KREMEN1: variants seen among roughly 807,000 people sequenced by gnomAD.
The protein encoded by KREMEN1 is kringle containing transmembrane protein 1.
Under a neutral mutation model 46.5 loss-of-function variants are expected in KREMEN1, and 30 were observed. The observed-to-expected ratio is 0.65, with a 90% confidence interval of 0.48 to 0.88. The LOEUF (loss-of-function observed/expected upper bound fraction) is 0.88. Ranked by LOEUF, KREMEN1 falls within the 40% of genes least tolerant of loss-of-function variation. KREMEN1 has a pLI of 0.00. For missense variants in KREMEN1, 533 were observed against 596.9 expected (o/e 0.89, Z 1.11); for synonymous variants, 214 against 230.6 (o/e 0.93, Z 0.65).
chr22:29,147,322 T>C (rs1277443790), downstream of KREMEN1, among the ~76,000 whole-genome samples: 1 of 152,226 alleles, frequency 6.6e-6, no homozygotes, highest in African/African-American at 2.4e-5. Flanking sequence ...GCCCCACACT[T>C]TCCTTCTTAG....
downstream of KREMEN1, among the ~76,000 whole-genome samples, chr22:29,151,544 G>A (rs980920507): frequency 1.3e-5 from 2 of 152,120 alleles, no homozygotes; most frequent in Non-Finnish European, 2.9e-5. Flanking sequence ...TCGGGGGATG[G>A]GGGCCACCAA....
At chr22:29,104,655 C>G (rs1052250268) in intron 3 of KREMEN1, among the ~76,000 whole-genome samples, 16 of 152,130 alleles carry the variant, frequency 1.1e-4, no homozygotes, top group African/African-American at 3.9e-4. Flanking sequence ...GCCTGTAATC[C>G]CAGCACTTTG....
At chr22:29,136,954 C>T (rs1462684898) in intron 5 of KREMEN1, among the ~76,000 whole-genome samples, 1 of 152,154 alleles carries the variant, frequency 6.6e-6, no homozygotes, top group Non-Finnish European at 1.5e-5. Context: ...TCTCATGTGC[C>T]ATCACACATT....
chr22:29,120,626 A>G (rs11090556), intron 3 of KREMEN1, among the ~76,000 whole-genome samples: 1 of 135,734 alleles, frequency 7.4e-6, no homozygotes, highest in African/African-American at 2.7e-5. Flanking sequence ...AAACGGAGGA[A>G]GGAGAGGTGC....
chr22:29,116,565 T>C (rs1411613387), intron 3 of KREMEN1, among the ~76,000 whole-genome samples: 1 of 152,208 alleles, frequency 6.6e-6, no homozygotes, highest in Non-Finnish European at 1.5e-5. Context: ...AGGTTCCAGC[T>C]GTGTTAATGC....
rs1309093378 is a variant in KREMEN1 at position 29,094,389 on chromosome 22, G to C, written c.229G>C (p.Glu77Gln). 1.2e-6 allele frequency: 2 copies of C among 1,613,884 alleles called. No homozygotes were observed. Among genetic ancestry groups the C allele is most frequent in the Non-Finnish European group, 1.7e-6 (2 of 1,179,952 alleles). ...CAACACTCTGAAATACCCCAACGGG[G>C]AGGGGGGCCTGGGTGAGCACAACTA... ...PYNTLKYPNG[E>Q]GGLGEHNYCR... Residue 77 changes from glutamate to glutamine, a missense_variant, in exon 2 of 9, where the codon GAG (glutamate) becomes CAG (glutamine). By Grantham distance (29) the Glu-to-Gln change is conservative. Coordinates refer to ENST00000400335, the MANE Select transcript of KREMEN1 (RefSeq NM_001039570.3).
rs16987153 is a variant in KREMEN1, at chr22:29,144,142, G to T, written c.*2030G>T. 14 of 985,570 alleles carry T rather than the reference G, an allele frequency of 1.4e-5. No homozygotes were observed. In the South Asian group the frequency reaches 6.1e-4, roughly 43 times the overall value. 61.1% of individuals were successfully genotyped at this position (985,570 alleles called of 1,614,324 possible). On this transcript the variant is annotated 3_prime_UTR_variant, in exon 9 of 9. Transcript: ENST00000400335. ...ACAAGGCACTTGGGCCTGGGTGATT[G>T]TTGCGCCTCTGGCTTTGGCGTTTCC... is the stretch of plus-strand genomic sequence containing the variant.
chr22:29,133,220 C>G (rs1202878333), intron 5 of KREMEN1, among the ~76,000 whole-genome samples: 2 of 147,838 alleles, frequency 1.4e-5, no homozygotes, highest in Non-Finnish European at 3.0e-5. Context: ...TGCACTCCAG[C>G]CTGGGCAACA....
intron 9 of KREMEN1, among the ~76,000 whole-genome samples, chr22:29,156,027 A>G (rs1483416395): frequency 6.6e-6 from 1 of 152,276 alleles, no homozygotes; most frequent in Admixed American, 6.5e-5. Flanking sequence ...TCACTGTCAC[A>G]CTGCTCAGTG....
intron 5 of KREMEN1, chr22:29,134,134 T>G (rs951658786): frequency 5.9e-5 from 9 of 151,422 alleles, no homozygotes; most frequent in African/African-American, 2.2e-4. Flanking sequence ...AAAATTCATC[T>G]CCAATATTGT....
At chr22:29,082,651 G>T (rs1277977997) in intron 1 of KREMEN1, among the ~76,000 whole-genome samples, 1 of 152,162 alleles carries the variant, frequency 6.6e-6, no homozygotes, top group Non-Finnish European at 1.5e-5. Flanking sequence ...GAATACAAAG[G>T]TGAGTAAGAT....
intron 5 of KREMEN1, among the ~76,000 whole-genome samples, chr22:29,129,196 G>A (rs2038493662): frequency 6.6e-6 from 1 of 152,130 alleles, no homozygotes; most frequent in Non-Finnish European, 1.5e-5. Flanking sequence ...CTCTAAAGGT[G>A]CATCTAGAGG....
chr22:29,129,324 G>C (rs1341192228), intron 5 of KREMEN1, among the ~76,000 whole-genome samples: 1 of 151,942 alleles, frequency 6.6e-6, no homozygotes, highest in Non-Finnish European at 1.5e-5. Flanking sequence ...TCCAGCCTGG[G>C]CGACAGAGTG....
intron 5 of KREMEN1, among the ~76,000 whole-genome samples, chr22:29,136,340 G>A (rs979070375): frequency 2.0e-5 from 3 of 151,712 alleles, no homozygotes; most frequent in African/African-American, 7.3e-5. Context: ...TTGGGAGGCC[G>A]GGACGGGTGG....
downstream of KREMEN1, among the ~76,000 whole-genome samples, chr22:29,149,457 G>A (rs908431397): frequency 5.9e-5 from 9 of 152,066 alleles, no homozygotes; most frequent in African/African-American, 1.9e-4. Flanking sequence ...CACCGCGTCC[G>A]ACCCATGATG....
intron 9 of KREMEN1, among the ~76,000 whole-genome samples, chr22:29,162,960 A>C (rs1569343992): frequency 6.6e-6 from 1 of 152,180 alleles, no homozygotes; most frequent in East Asian, 1.9e-4. Context: ...CTTTGCAGCA[A>C]TACAGATCCA....
rs75292652 is a variant in KREMEN1, at chr22:29,073,885, G to C, written c.97+658G>C. Among the ~76,000 whole-genome samples the C allele has an allele frequency of 7.9e-3, 1,195 of 152,166 alleles. 12 individuals are homozygous for C. The highest frequency in any genetic ancestry group is 0.027 in the African/African-American group (1,110 of 41,536). ...GTCCTTCATCGACGCACCTTGCACC[G>C]GGACGACTCCCCCGCTACAAGAGGC... On this transcript the variant is annotated intron_variant, in intron 1 of 8. Transcript: ENST00000400335. The surrounding 1 kb of genome is among the most constrained non-coding windows in gnomAD (Gnocchi z 4.4).
intron 3 of KREMEN1, among the ~76,000 whole-genome samples, chr22:29,109,728 G>T (rs753133311): frequency 6.6e-6 from 1 of 152,154 alleles, no homozygotes; most frequent in Non-Finnish European, 1.5e-5. Flanking sequence ...TTTACAGGAC[G>T]GATCAAAGGA....
chr22:29,073,200 C>A lies in KREMEN1; in HGVS notation c.70C>A (p.Pro24Thr). 1 of 1,190,006 alleles carries A rather than the reference C, an allele frequency of 8.4e-7. No individual in the cohort carries two copies. Among genetic ancestry groups the A allele is most frequent in the East Asian group, 3.7e-5 (1 of 26,936 alleles). The allele number at this position is 1,190,006 out of a possible 1,614,324, so 73.7% of individuals were successfully genotyped here. A position where few individuals can be genotyped will look rare whatever the true frequency, so the allele number is the denominator to read the frequency against. Residue 24 changes from proline (P) to threonine (T), a missense_variant, in exon 1 of 9, where the codon CCT becomes ACT. Pro to Thr is a conservative substitution (Grantham distance 38, BLOSUM62 -1). Coordinates refer to ENST00000400335, the MANE Select transcript of KREMEN1 (RefSeq NM_001039570.3). This position sits in a 1 kb window ranked among gnomAD's most constrained non-coding sequence, Gnocchi z 4.4. ...AALTLAARPAPSPGLGPGPEC... is the reference protein window; with the variant it reads ...AALTLAARPATSPGLGPGPEC... ...GCTCACGCTGGCGGCCCGGCCCGCG[C>A]CTAGCCCCGGCCTCGGCCCCGGACC...
Sources: gnomAD v4.1 joint callset for allele counts (sites outside exome capture counted in the v4.1 genomes callset) on GRCh38, gnomAD v4.1.1 for gene constraint, Gnocchi (gnomAD v3.1) non-coding constraint, MANE v1.5 for transcripts, NCBI Gene and HGNC (gene_info 2026-07-23, HGNC 2026-07-21) for gene names.